Variants in CFAP43 observed in about 807,000 individuals in gnomAD.
CFAP43 encodes the protein cilia and flagella associated protein 43.
In CFAP43, 155 loss-of-function variants were observed where a neutral mutation model predicts 218.9. That is an observed-to-expected ratio of 0.71 (90% CI 0.62 to 0.81). The LOEUF is 0.81. CFAP43 is among the 30% of genes least tolerant of loss of function. The pLI is 0.00. For missense variants in CFAP43, 1,778 were observed against 1,954.3 expected, an observed-to-expected ratio of 0.91 and a Z score of 1.70; for synonymous variants, 645 against 681.3, an observed-to-expected ratio of 0.95 and a Z score of 0.83.
chr10:104,154,132 T>A (rs76003375), intron 27 of CFAP43, among the ~76,000 whole-genome samples: 2,751 of 152,316 alleles, frequency 0.018, 92 homozygotes, highest in African/African-American at 0.064. Context: ...TTGTAATTTA[T>A]TAATTTGTGG....
chr10:104,132,694 C>G lies in CFAP43; in HGVS notation c.4597-498G>C, dbSNP rs193079242. On this transcript the variant is annotated intron_variant, in intron 35 of 37. Transcript: ENST00000357060. ...TTAGCCATCAATACATTCATGTACA[C>G]TAATTATTACATCAAAGCACCAATT... 3.8e-5 allele frequency: 37 copies of G among 985,244 alleles called. No homozygotes were observed. In the African/African-American group the frequency reaches 5.1e-4, roughly 13 times the overall value. 61.0% of individuals were successfully genotyped at this position (985,244 alleles called of 1,614,324 possible).
rs773778793 is a variant in CFAP43, at chr10:104,187,437, C to T, written c.1743G>A (p.Lys581=). 1 of 1,603,070 alleles carries T rather than the reference C, an allele frequency of 6.2e-7. No individual in the cohort carries two copies. Among genetic ancestry groups the T allele is most frequent in the Non-Finnish European group, 8.5e-7 (1 of 1,175,858 alleles). Residue 581 remains lysine (K), a synonymous_variant, in exon 14 of 38, where the codon AAG becomes AAA. Transcript: ENST00000357060. The part of the protein sequence containing the change: ...RGRLKDEIIH[K]YLYELEHALS... The stretch of plus-strand genomic sequence containing the variant: ...GAGCGTGCTCCAACTCATACAGGTA[C>T]TTATGAATGATTTCATCTTTCAGCC...
intron 34 of CFAP43, among the ~76,000 whole-genome samples, chr10:104,135,200 G>C (rs528723217): frequency 5.2e-4 from 79 of 151,924 alleles, no homozygotes; most frequent in African/African-American, 1.2e-3. Context: ...AAAAATATAT[G>C]CAACAGACTT....
chr10:104,189,842 A>AAAAAC lies in CFAP43; in HGVS notation c.1547-1437_1547-1433dup, dbSNP rs561521727. On this transcript the variant is annotated intron_variant, in intron 12 of 37. Coordinates refer to ENST00000357060, the MANE Select transcript of CFAP43 (RefSeq NM_025145.7). ...ACATAGAGAGACATTTTCTCTACTA[A>AAAAAC]AAAACAAAACAAAACAAAACAAACA... Among the ~76,000 whole-genome samples the AAAAAC allele has an allele frequency of 7.4e-4, 113 of 152,246 alleles. No individual in the cohort carries two copies. The East Asian group carries it at 0.015, about 20-fold the overall frequency.
rs116326636 is a variant in CFAP43 at position 104,142,088 on chromosome 10, C to T, written c.4271+193G>A. Among the ~76,000 whole-genome samples the T allele has an allele frequency of 6.4e-3, 967 of 152,206 alleles. 11 individuals carry two copies. Among genetic ancestry groups the T allele is most frequent in the African/African-American group, 0.023 (943 of 41,540 alleles). On this transcript the variant is annotated intron_variant, in intron 33 of 37. Transcript: ENST00000357060. The stretch of plus-strand genomic sequence containing the variant: ...CTTATTTGTAATAAGAGCAACAAAA[C>T]GTGGGAAAGTTCCATCCTGAATCAA...
At chr10:104,211,407 TTGAA>T (rs1202189091) in intron 5 of CFAP43, among the ~76,000 whole-genome samples, 2 of 152,144 alleles carry the variant, frequency 1.3e-5, no homozygotes, top group South Asian at 2.1e-4. Flanking sequence ...TAAATCTCTG[TTGAA>T]TGAATGAATG....
intron 14 of CFAP43, among the ~76,000 whole-genome samples, chr10:104,186,583 G>T (rs529854705): frequency 6.6e-6 from 1 of 152,150 alleles, no homozygotes; most frequent in Non-Finnish European, 1.5e-5. Context: ...TATGAGCGCT[G>T]CCCACCAAAA....
chr10:104,190,098 T>G (rs1408891800), intron 12 of CFAP43, among the ~76,000 whole-genome samples: 2 of 132,098 alleles, frequency 1.5e-5, no homozygotes, highest in Non-Finnish European at 3.0e-5. Context: ...ATCACGCCAC[T>G]GCACTCCAGC....
In CFAP43 at chr10:104,203,919, T is replaced by A. The variant is rs1281876725; in HGVS notation, c.964-116A>T. 7 of 938,212 alleles carry A rather than the reference T, an allele frequency of 7.5e-6. No homozygotes were observed. In the East Asian group the frequency reaches 1.5e-4, roughly 20 times the overall value. The allele number at this position is 938,212 out of a possible 1,614,324, so 58.1% of individuals were successfully genotyped here. On this transcript the variant is annotated intron_variant, in intron 7 of 37. Coordinates refer to ENST00000357060, the MANE Select transcript of CFAP43 (RefSeq NM_025145.7). ...TTCTACTGCTTATTTGGAATCATCA[T>A]CTATGTTTGCATAGATGCACTGTCC...
chr10:104,150,463 A>G (rs703333), intron 28 of CFAP43, among the ~76,000 whole-genome samples: 42,818 of 151,994 alleles, frequency 0.28, 8,714 homozygotes, highest in African/African-American at 0.58. Flanking sequence ...ATTACAACAC[A>G]TTTGCCACTC....
At chr10:104,215,631 A>T (rs2090992715) in intron 3 of CFAP43, among the ~76,000 whole-genome samples, 1 of 152,092 alleles carries the variant, frequency 6.6e-6, no homozygotes, top group Non-Finnish European at 1.5e-5. Context: ...CCAGACCCTC[A>T]ATAGGATCTC....
chr10:104,132,589 G>C, intron 35 of CFAP43: 1 of 956,672 alleles, frequency 1.0e-6, no homozygotes, highest in Non-Finnish European at 1.2e-6. Context: ...CACTCCACCT[G>C]GGCAAAAAGA....
chr10:104,162,432 T>C, intron 24 of CFAP43, 29 bp from the exon 25 acceptor site: 1 of 1,581,450 alleles, frequency 6.3e-7, no homozygotes, highest in East Asian at 2.2e-5. Context: ...TTTCCTGCTA[T>C]TATTCTTACA....
At chr10:104,132,854 T>C (rs1057034537) in intron 35 of CFAP43, 1 of 913,984 alleles carries the variant, frequency 1.1e-6, no homozygotes, top group African/African-American at 1.8e-5. Flanking sequence ...CAAAGATAGA[T>C]AACATGTCCT....
intron 17 of CFAP43, among the ~76,000 whole-genome samples, chr10:104,181,778 G>C (rs1157625439): frequency 6.6e-6 from 1 of 152,114 alleles, no homozygotes; most frequent in African/African-American, 2.4e-5. Flanking sequence ...TGTCTGCTTG[G>C]AGAGGCTATC....
intron 8 of CFAP43, 143 bp downstream of exon 8, chr10:104,203,529 T>C (rs2090593168): frequency 4.3e-6 from 3 of 704,408 alleles, no homozygotes; most frequent in Non-Finnish European, 6.3e-6. Context: ...GCCTTTTAAA[T>C]TGGGTATTTT....
At chr10:104,229,873 G>A (rs1238760301) in intron 2 of CFAP43, among the ~76,000 whole-genome samples, 1 of 151,948 alleles carries the variant, frequency 6.6e-6, no homozygotes, top group African/African-American at 2.4e-5. Context: ...CAATTCACCT[G>A]GATTTTCAAC....
intron 24 of CFAP43, among the ~76,000 whole-genome samples, chr10:104,162,652 T>G (rs926640325): frequency 3.3e-5 from 5 of 151,352 alleles, no homozygotes; most frequent in African/African-American, 1.2e-4. Flanking sequence ...GGGAACCTGA[T>G]AGATTAAGGA....
chr10:104,131,606 A>G, intron 36 of CFAP43, 122 bp from the exon 37 acceptor site: 5 of 1,135,308 alleles, frequency 4.4e-6, no homozygotes, highest in Non-Finnish European at 6.0e-6. Context: ...TCTTACCGCC[A>G]TATCTGTAGT....
Sources: gnomAD v4.1 joint callset for allele counts (sites outside exome capture counted in the v4.1 genomes callset) on GRCh38, gnomAD v4.1.1 for gene constraint, MANE v1.5 for transcripts, NCBI Gene and HGNC (gene_info 2026-07-23, HGNC 2026-07-21) for gene names.